The following DNM3 variants were observed in gnomAD, a reference collection of about 807,000 sequenced individuals.
The protein encoded by DNM3 is dynamin 3.
DNM3 carries 47 observed loss-of-function variants against 101.6 expected under a neutral mutation model. That is an observed-to-expected ratio of 0.46 (90% confidence interval 0.37 to 0.59). DNM3 has a LOEUF of 0.59. DNM3 is among the 20% of genes least tolerant of loss of function. The pLI, the probability that DNM3 is intolerant of heterozygous loss-of-function variation, is 0.00. For synonymous variants in DNM3, 385 were observed against 387.9 expected (o/e 0.99, Z 0.09); for missense variants, 849 against 1,085.7 (o/e 0.78, Z 3.06).
intron 15 of DNM3, among the ~76,000 whole-genome samples, chr1:172,272,412 C>T (rs945669429): frequency 1.3e-5 from 2 of 152,150 alleles, no homozygotes; most frequent in Non-Finnish European, 2.9e-5. Context: ...GTGAAGGCTA[C>T]AATGACCATC....
In DNM3 at chr1:172,388,668, C is replaced by T; in HGVS notation, c.2381C>T (p.Pro794Leu). The change falls in exon 20 of 21, where the codon CCC becomes CTC. Residue 794 changes from proline (P) to leucine (L), a missense_variant. This residue lies in a region of DNM3 where 256 missense variants were observed against 311.7 expected (regional missense o/e 0.82). Transcript: ENST00000627582. The part of the protein sequence containing the change: ...TSGRGPAPAI[P>L]SPGPHSGAPP... The stretch of plus-strand genomic sequence containing the variant: ...GGCCGAGGACCAGCTCCTGCCATTC[C>T]CTCTCCTGGCCCCCACTCTGGGGCT... The T allele has an allele frequency of 6.2e-7, 1 of 1,614,000 alleles. No homozygotes were observed. Among genetic ancestry groups the T allele is most frequent in the Non-Finnish European group, 8.5e-7 (1 of 1,179,894 alleles).
At chr1:172,201,003 C>T (rs1647752144) in intron 14 of DNM3, among the ~76,000 whole-genome samples, 1 of 152,098 alleles carries the variant, frequency 6.6e-6, no homozygotes. Flanking sequence ...TGTGGGTGTT[C>T]CTTTTAATGG....
At chr1:172,186,479 A>G (rs1458635500) in intron 14 of DNM3, among the ~76,000 whole-genome samples, 1 of 151,988 alleles carries the variant, frequency 6.6e-6, no homozygotes, top group African/African-American at 2.4e-5. Context: ...TAGAAGAGAT[A>G]TAATATAAAA....
intron 15 of DNM3, among the ~76,000 whole-genome samples, chr1:172,308,069 C>T (rs2064919614): frequency 6.6e-6 from 1 of 152,064 alleles, no homozygotes; most frequent in African/African-American, 2.4e-5. Flanking sequence ...TATCTCTAGG[C>T]TGTGGAAACT....
intron 14 of DNM3, among the ~76,000 whole-genome samples, chr1:172,205,455 C>T (rs1000490203): frequency 4.0e-5 from 6 of 151,578 alleles, no homozygotes; most frequent in East Asian, 3.9e-4. Flanking sequence ...TTTATCAACA[C>T]GAAACATACC....
chr1:171,925,404 G>T (rs1445454057), intron 2 of DNM3, among the ~76,000 whole-genome samples: 2 of 151,442 alleles, frequency 1.3e-5, no homozygotes, highest in African/African-American at 2.4e-5. Flanking sequence ...ATTTTTTTTT[G>T]TATTTTTAGT....
chr1:172,121,776 CAG>C (rs2148016252), intron 13 of DNM3, among the ~76,000 whole-genome samples: 1 of 152,248 alleles, frequency 6.6e-6, no homozygotes, highest in South Asian at 2.1e-4. Context: ...ACCAGGGAAA[CAG>C]AAAGTTATTA....
Position 172,054,380 on chromosome 1 carries a change from A to G in DNM3, c.1335+5630A>G, listed in dbSNP as rs74445997. Among the ~76,000 whole-genome samples, 883 of 152,318 alleles carry G rather than the reference A, an allele frequency of 5.8e-3. 5 individuals are homozygous for G. The highest frequency in any genetic ancestry group is 0.02 in the African/African-American group (834 of 41,564). On this transcript the variant is annotated intron_variant, in intron 10 of 20. Transcript: ENST00000627582. ...TGAGCTATTTGGCTTCATGCCAGGG[A>G]CATCTCAACTTTGAAATTATTTTGG...
intron 2 of DNM3, among the ~76,000 whole-genome samples, chr1:171,978,652 T>A (rs1404326317): frequency 6.6e-6 from 1 of 152,110 alleles, no homozygotes. Flanking sequence ...GTGATGTATG[T>A]TTTAAGGAGA....
At chr1:172,126,247 T>C (rs2056611219) in intron 13 of DNM3, among the ~76,000 whole-genome samples, 1 of 152,226 alleles carries the variant, frequency 6.6e-6, no homozygotes, top group African/African-American at 2.4e-5. Flanking sequence ...AACCTTTTTA[T>C]GATGGCAGCT....
At chr1:171,909,511 T>C (rs1329244440) in intron 1 of DNM3, among the ~76,000 whole-genome samples, 1 of 152,012 alleles carries the variant, frequency 6.6e-6, no homozygotes, top group Non-Finnish European at 1.5e-5. Flanking sequence ...GAAGACACTC[T>C]TTAGTCTTCG....
intron 11 of DNM3, 101 bp downstream of exon 11, chr1:172,069,006 G>GA (rs538994320): frequency 1.1e-3 from 962 of 902,396 alleles, no homozygotes; most frequent in South Asian, 1.2e-3. Context: ...TCGCTTAAAG[G>GA]AAAAAAAAAT....
chr1:172,054,520 C>G (rs1235706396), intron 10 of DNM3, among the ~76,000 whole-genome samples: 1 of 151,952 alleles, frequency 6.6e-6, no homozygotes, highest in Non-Finnish European at 1.5e-5. Flanking sequence ...TTTTTTTTAA[C>G]CACAGTTTAG....
chr1:172,405,305 C>T (rs2070792648), intron 20 of DNM3, among the ~76,000 whole-genome samples: 1 of 151,944 alleles, frequency 6.6e-6, no homozygotes, highest in African/African-American at 2.4e-5. Context: ...AATTTTGAAT[C>T]TATTTGGGGG....
intron 2 of DNM3, among the ~76,000 whole-genome samples, chr1:171,986,633 CTT>C (rs367716705): frequency 1.2e-4 from 16 of 137,328 alleles, no homozygotes; most frequent in Admixed American, 1.5e-4. Flanking sequence ...CCACATCTGG[CTT>C]TTTTTTTTTT....
chr1:172,251,737 C>T (rs1557883190), intron 14 of DNM3, among the ~76,000 whole-genome samples: 1 of 152,026 alleles, frequency 6.6e-6, no homozygotes, highest in Non-Finnish European at 1.5e-5. Context: ...TTCAGATTTC[C>T]CATTAAAAGG....
chr1:172,218,849 A>C (rs2060799208), intron 14 of DNM3, among the ~76,000 whole-genome samples: 1 of 152,144 alleles, frequency 6.6e-6, no homozygotes, highest in African/African-American at 2.4e-5. Context: ...AGAATATCTA[A>C]AGAGAAATTA....
At chr1:172,159,812 A>G (rs1042338066) in intron 14 of DNM3, among the ~76,000 whole-genome samples, 1 of 152,114 alleles carries the variant, frequency 6.6e-6, no homozygotes, top group Non-Finnish European at 1.5e-5. Flanking sequence ...AACAATGGGA[A>G]TACATTTAGA....
At chr1:172,402,262 GTAGATAAAACCCTTCATTTTTTATCA>G (rs1314757825) in intron 20 of DNM3, among the ~76,000 whole-genome samples, 3 of 152,078 alleles carry the variant, frequency 2.0e-5, no homozygotes, top group African/African-American at 7.2e-5. Flanking sequence ...AATGGTTTTT[GTAGATAAAACCCTTCATTTTTTATCA>G]TAAATAAGTT....
Sources: allele counts gnomAD v4.1 joint callset (sites outside exome capture counted in the v4.1 genomes callset), GRCh38; gene constraint gnomAD v4.1.1; regional missense constraint gnomAD v4.1.1; transcripts MANE v1.5; gene names NCBI Gene and HGNC (gene_info 2026-07-23, HGNC 2026-07-21).